The following MYH9 variants were observed in gnomAD, a reference collection of about 807,000 sequenced individuals.
MYH9 encodes myosin-9.
In MYH9, 29 loss-of-function variants were observed where a neutral mutation model predicts 241.9. The observed-to-expected ratio is 0.12, with a 90% CI of 0.09 to 0.16. The LOEUF (loss-of-function observed/expected upper bound fraction) is 0.16. Among genes scored for constraint, MYH9 ranks in the 10% least tolerant of loss-of-function variants. The pLI is 1.00. For synonymous variants in MYH9, 1,047 were observed against 1,062.6 expected, an observed-to-expected ratio of 0.99 and a Z score of 0.29; for missense variants, 1,803 against 2,595.5, an observed-to-expected ratio of 0.69 and a Z score of 6.63.
In MYH9 at chr22:36,322,504, C is replaced by T; in HGVS notation, c.630G>A (p.Gln210=). ...CCAGGATGGGGTTGGCCTGCAGCAG[C>T]TGCCGCTCCAGCTCGCCCTGCAAGG... ...SKKDQGELER[Q]LLQANPILEA... The change falls in exon 6 of 41, where the codon CAG becomes CAA. Residue 210 remains glutamine, a synonymous_variant. Transcript: ENST00000216181. The T allele has an allele frequency of 1.2e-6, 2 of 1,613,738 alleles. No homozygotes were observed. Among genetic ancestry groups the T allele is most frequent in the Non-Finnish European group, 1.7e-6 (2 of 1,179,984 alleles).
chr22:36,329,281 AC>A lies in MYH9; in HGVS notation c.491-1794del, dbSNP rs1445776624. ...CTCCCCCTTGCCTTTCTCAAAAAAC[AC>A]GAGTCCTTCAAGCCTGCACAGCGAG... On this transcript the variant is annotated intron_variant, in intron 3 of 40. Transcript: ENST00000216181. The surrounding 1 kb of genome is among the most constrained non-coding windows in gnomAD (Gnocchi z 4.1). 2.7e-5 allele frequency among the ~76,000 whole-genome samples: 3 copies of A among 109,620 alleles called. No homozygotes were observed. Among genetic ancestry groups the A allele is most frequent in the Non-Finnish European group, 7.1e-5 (3 of 42,526 alleles). 71.9% of individuals were successfully genotyped at this position (109,620 alleles called of 152,430 possible). A position where few individuals can be genotyped will look rare whatever the true frequency, so the allele number is the denominator to read the frequency against.
At chr22:36,315,915 A>G (rs1464704020) in intron 12 of MYH9, among the ~76,000 whole-genome samples, 5 of 151,574 alleles carry the variant, frequency 3.3e-5, no homozygotes, top group Non-Finnish European at 7.4e-5. Flanking sequence ...GTGCGTGCCT[A>G]TAGTTCCAGC....
At position 36,306,051 on chromosome 22, in the gene MYH9, C is replaced by G; in HGVS notation, c.2038G>C (p.Ala680Pro). 1 of 1,613,040 alleles carries G rather than the reference C, an allele frequency of 6.2e-7. No individual in the cohort carries two copies. The highest frequency in any genetic ancestry group is 8.5e-7 in the Non-Finnish European group (1 of 1,180,012). Residue 680 changes from alanine (A) to proline (P), a missense_variant and splice_region_variant, in exon 17 of 41, where the codon GCC (alanine) becomes CCC (proline). Ala to Pro is a conservative substitution (Grantham distance 27). Transcript: ENST00000216181. This position sits in a 1 kb window ranked among gnomAD's most constrained non-coding sequence, Gnocchi z 4.1. The part of the protein sequence containing the change: ...RCIIPNHEKK[A>P]GKLDPHLVLD... The stretch of plus-strand genomic sequence containing the variant: ...ACGAGATGCGGGTCCAGCTTGCCGG[C>G]CTGGAGAAGAAAACACATGCATGCG...
At position 36,295,181 on chromosome 22, in the gene MYH9, T is replaced by C. The variant is rs1428713161; in HGVS notation, c.3486-105A>G. 6.0e-6 allele frequency: 9 copies of C among 1,510,216 alleles called. No individual in the cohort carries two copies. Among genetic ancestry groups the C allele is most frequent in the Non-Finnish European group, 8.2e-6 (9 of 1,092,912 alleles). The allele number at this position is 1,510,216 out of a possible 1,614,324, so 93.6% of individuals were successfully genotyped here. ...AGAGGCCTGGCCAGGGCACAGGCAC[T>C]CCAGGCAGCTTTTCTACCCACCGGC... On this transcript the variant is annotated intron_variant, in intron 26 of 40. Transcript: ENST00000216181. This position sits in a 1 kb window ranked among gnomAD's most constrained non-coding sequence, Gnocchi z 4.1.
chr22:36,381,800 T>C (rs2018260338), intron 1 of MYH9, among the ~76,000 whole-genome samples: 1 of 152,202 alleles, frequency 6.6e-6, no homozygotes, highest in South Asian at 2.1e-4. Flanking sequence ...TGTACAGCTG[T>C]ACCATGATTT....
Position 36,306,543 on chromosome 22 carries a change from G to A in MYH9, c.1908C>T (p.Phe636=). The change falls in exon 16 of 41, where the codon TTC becomes TTT. Residue 636 remains phenylalanine (F), a synonymous_variant. Coordinates refer to ENST00000216181, the MANE Select transcript of MYH9 (RefSeq NM_002473.6). The surrounding 1 kb of genome is among the most constrained non-coding windows in gnomAD (Gnocchi z 4.1). ...TGCGGAACATGCCCTTCCGCGTCTT[G>A]AAGGCCCCGGGCAGTGCGGTCTCCG... ...GMSETALPGA[F]KTRKGMFRTV... is the part of the protein sequence containing the mutation. 1 of 1,614,074 alleles carries A rather than the reference G, an allele frequency of 6.2e-7. No individual in the cohort carries two copies. Among genetic ancestry groups the A allele is most frequent in the Non-Finnish European group, 8.5e-7 (1 of 1,180,032 alleles).
At chr22:36,362,771 C>T (rs1486393877) in intron 1 of MYH9, among the ~76,000 whole-genome samples, 2 of 152,188 alleles carry the variant, frequency 1.3e-5, no homozygotes, top group Non-Finnish European at 2.9e-5. Context: ...CCACTACACC[C>T]GGCCTGAAAC....
At chr22:36,339,536 A>G (rs2017549798) in intron 3 of MYH9, among the ~76,000 whole-genome samples, 1 of 152,214 alleles carries the variant, frequency 6.6e-6, no homozygotes, top group African/African-American at 2.4e-5. Flanking sequence ...GACTCGGCCA[A>G]ACTTGAGCAT....
chr22:36,318,779 T>C (rs1294273921), intron 10 of MYH9, among the ~76,000 whole-genome samples: 7 of 152,110 alleles, frequency 4.6e-5, no homozygotes, highest in African/African-American at 1.7e-4. Context: ...TTTTTTTTTT[T>C]TGAGACGGCG....
intron 7 of MYH9, 52 bp downstream of exon 7, chr22:36,321,706 C>A: frequency 1.3e-6 from 2 of 1,532,496 alleles, no homozygotes; most frequent in South Asian, 2.2e-5. Context: ...CTACAGAGGT[C>A]ATGCCTCCCC....
At position 36,282,619 on chromosome 22, in the gene MYH9, G is replaced by A; in HGVS notation, c.*49C>T. 1.3e-6 allele frequency: 2 copies of A among 1,552,600 alleles called. No homozygotes were observed. Among genetic ancestry groups the A allele is most frequent in the East Asian group, 2.2e-5 (1 of 44,628 alleles). ...CGTGCTGCGGGGTCTGGGAAGGGGA[G>A]GCTGTGGTGTCTGTCTGTCCATCCA... On this transcript the variant is annotated 3_prime_UTR_variant, in exon 41 of 41. Transcript: ENST00000216181.
rs552295264 is a variant in MYH9, at chr22:36,308,770, C to CCA, written c.1843+510_1843+511dup. 1.4e-4 allele frequency: 132 copies of CCA among 968,016 alleles called. 1 individual carries two copies. In the African/African-American group the frequency reaches 2.2e-3, roughly 16 times the overall value. The allele number at this position is 968,016 out of a possible 1,614,324, so 60.0% of individuals were successfully genotyped here. On this transcript the variant is annotated intron_variant, in intron 15 of 40. Coordinates refer to ENST00000216181, the MANE Select transcript of MYH9 (RefSeq NM_002473.6). ...CATTTCTTGCACAGCTTTGGACGCA[C>CCA]CACACACACAAGAGACACCACTCGG...
At chr22:36,283,555 A>G (rs971794607) in intron 40 of MYH9, among the ~76,000 whole-genome samples, 3 of 151,860 alleles carry the variant, frequency 2.0e-5, no homozygotes, top group Non-Finnish European at 2.9e-5. Context: ...AAAAACAAAA[A>G]AAATAAAAAA....
chr22:36,295,843 A>C lies in MYH9; in HGVS notation c.3273-126T>G. The C allele has an allele frequency of 3.6e-6, 3 of 836,200 alleles. No individual in the cohort carries two copies. In the East Asian group the frequency reaches 8.0e-5, roughly 22 times the overall value. 51.8% of individuals were successfully genotyped at this position (836,200 alleles called of 1,614,324 possible). ...TCCTGTGGTCACAATCATGGCACTT[A>C]GGATGGCTCTCAGCAGAAACAACAT... On this transcript the variant is annotated intron_variant, in intron 25 of 40. Transcript: ENST00000216181. This position sits in a 1 kb window ranked among gnomAD's most constrained non-coding sequence, Gnocchi z 4.1.
rs12167188 is a variant in MYH9 at position 36,318,672 on chromosome 22, A to G, written c.1109-347T>C. Among the ~76,000 whole-genome samples the G allele has an allele frequency of 9.5e-3, 1,444 of 152,174 alleles. 22 individuals are homozygous for G. Among genetic ancestry groups the G allele is most frequent in the African/African-American group, 0.033 (1,350 of 41,514 alleles). ...GTCCACTCTCAGCCGCACTCCTCAGAGTGTAAAAGCAGGTCCCTACCCACC... is the reference window on the plus strand; with the variant it reads ...GTCCACTCTCAGCCGCACTCCTCAGGGTGTAAAAGCAGGTCCCTACCCACC... On this transcript the variant is annotated intron_variant, in intron 10 of 40. Transcript: ENST00000216181.
chr22:36,383,007 G>T (rs1347948929), intron 1 of MYH9, among the ~76,000 whole-genome samples: 1 of 151,990 alleles, frequency 6.6e-6, no homozygotes, highest in Non-Finnish European at 1.5e-5. Context: ...GGTTGCTTGA[G>T]CCCAGGGGTT....
At position 36,300,296 on chromosome 22, in the gene MYH9, C is replaced by T. The variant is rs752439918; in HGVS notation, c.2839-32G>A. 6.2e-7 allele frequency: 1 copy of T among 1,610,290 alleles called. No individual in the cohort carries two copies. The highest frequency in any genetic ancestry group is 1.7e-5 in the Admixed American group (1 of 60,018). On this transcript the variant is annotated intron_variant, in intron 22 of 40. Transcript: ENST00000216181. The surrounding 1 kb of genome is among the most constrained non-coding windows in gnomAD (Gnocchi z 5.0). ...GGGGCCAGAGACACGGTAAGGACAG[C>T]AGGCCCAGAGGCATGGCCAAGGTGA...
intron 31 of MYH9, 31 bp from the exon 32 acceptor site, chr22:36,289,328 G>A: frequency 6.3e-7 from 1 of 1,581,004 alleles, no homozygotes; most frequent in Non-Finnish European, 8.6e-7. Flanking sequence ...ATGAGGCTCA[G>A]AGCTACGGCC....
At chr22:36,352,284 T>C (rs2017777615) in intron 1 of MYH9, among the ~76,000 whole-genome samples, 1 of 152,210 alleles carries the variant, frequency 6.6e-6, no homozygotes, top group Non-Finnish European at 1.5e-5. Context: ...TGAGTGAGCC[T>C]TCCCAGTGTG....
Sources: allele counts gnomAD v4.1 joint callset (sites outside exome capture counted in the v4.1 genomes callset), GRCh38; gene constraint gnomAD v4.1.1; non-coding constraint Gnocchi (gnomAD v3.1); transcripts MANE v1.5; gene names NCBI Gene and HGNC (gene_info 2026-07-23, HGNC 2026-07-21).